BCL2L15: variants seen among roughly 807,000 people sequenced by gnomAD.
BCL2L15 encodes BCL2 like 15.
In BCL2L15, 15 loss-of-function variants were observed where a neutral mutation model predicts 18.3. That is an observed-to-expected ratio of 0.82 (90% CI 0.55 to 1.26). BCL2L15 has a LOEUF of 1.26. BCL2L15 is among the 50% of genes most tolerant of loss of function. The pLI is 0.00. For synonymous variants in BCL2L15, 58 were observed against 68.5 expected (o/e 0.85, Z 0.76); for missense variants, 180 against 201.7 (o/e 0.89, Z 0.65).
Position 113,882,001 on chromosome 1 carries a change from A to G in BCL2L15, c.250-4T>C. 1.2e-6 allele frequency: 2 copies of G among 1,609,936 alleles called. No individual in the cohort carries two copies. Among genetic ancestry groups the G allele is most frequent in the Non-Finnish European group, 1.7e-6 (2 of 1,176,668 alleles). On this transcript the variant is annotated splice_polypyrimidine_tract_variant and splice_region_variant and intron_variant, in intron 2 of 3. Transcript: ENST00000393316. Reference sequence around the variant, plus strand: ...TGTCCTGGAGTATAGCTCCTGTCTGAGGAAAGACAAAGGAAACATCAACAG... The same window carrying G: ...TGTCCTGGAGTATAGCTCCTGTCTGGGGAAAGACAAAGGAAACATCAACAG...
rs1429752291 is a variant in BCL2L15 at position 113,878,473 on chromosome 1, C to T, written c.*2650G>A. ...TAACGCATTTGCCTAGTATAATCCCCGTGGGCACCATATCTTCAAATCTCA... is the reference window on the plus strand; with the variant it reads ...TAACGCATTTGCCTAGTATAATCCCTGTGGGCACCATATCTTCAAATCTCA... On this transcript the variant is annotated 3_prime_UTR_variant, in exon 4 of 4. Transcript: ENST00000393316. The T allele has an allele frequency of 6.6e-6, 1 of 152,338 alleles. No individual in the cohort carries two copies. The highest frequency in any genetic ancestry group is 1.9e-4 in the East Asian group (1 of 5,342). 9.4% of individuals were successfully genotyped at this position (152,338 alleles called of 1,614,324 possible).
Position 113,880,956 on chromosome 1 carries a change from G to A in BCL2L15, c.*167C>T. The A allele has an allele frequency of 1.1e-6, 1 of 926,100 alleles. No individual in the cohort carries two copies. Among genetic ancestry groups the A allele is most frequent in the Non-Finnish European group, 1.6e-6 (1 of 606,170 alleles). 57.4% of individuals were successfully genotyped at this position (926,100 alleles called of 1,614,324 possible). The stretch of plus-strand genomic sequence containing the variant: ...AAACCAACTCTGCAGGCCTCTGGCA[G>A]CTGCTCCCAACTTTAACAATCAGTA... On this transcript the variant is annotated 3_prime_UTR_variant, in exon 4 of 4. Coordinates refer to ENST00000393316, the MANE Select transcript of BCL2L15 (RefSeq NM_001010922.3).
intron 2 of BCL2L15, among the ~76,000 whole-genome samples, chr1:113,885,261 A>C (rs1666990801): frequency 1.3e-5 from 2 of 151,810 alleles, no homozygotes; most frequent in South Asian, 4.2e-4. Flanking sequence ...CAGCCAAAAA[A>C]AAAAATATGT....
chr1:113,883,283 C>T (rs920606223), intron 2 of BCL2L15, among the ~76,000 whole-genome samples: 1 of 152,004 alleles, frequency 6.6e-6, no homozygotes, highest in Non-Finnish European at 1.5e-5. Context: ...GAGTTCAAGA[C>T]CAGTCTGGCC....
chr1:113,887,550 G>A lies in BCL2L15; in HGVS notation c.-175C>T. ...TCAAACACAGCTGCTCAGAAAGGTGGGACTTCTCAGAAGGATTACCTACTT... is the reference window on the plus strand; with the variant it reads ...TCAAACACAGCTGCTCAGAAAGGTGAGACTTCTCAGAAGGATTACCTACTT... On this transcript the variant is annotated 5_prime_UTR_variant, in exon 1 of 4. Coordinates refer to ENST00000393316, the MANE Select transcript of BCL2L15 (RefSeq NM_001010922.3). The A allele has an allele frequency of 1.3e-6, 1 of 776,242 alleles. No homozygotes were observed. The highest frequency in any genetic ancestry group is 2.0e-6 in the Non-Finnish European group (1 of 495,656). 48.1% of individuals were successfully genotyped at this position (776,242 alleles called of 1,614,324 possible). A position where few individuals can be genotyped will look rare whatever the true frequency, so the allele number is the denominator to read the frequency against.
chr1:113,879,878 C>T lies in BCL2L15; in HGVS notation c.*1245G>A, dbSNP rs1276228683. 7 of 152,156 alleles carry T rather than the reference C, an allele frequency of 4.6e-5. No homozygotes were observed. The highest frequency in any genetic ancestry group is 2.6e-4 in the Admixed American group (4 of 15,268). The allele number at this position is 152,156 out of a possible 1,614,324, so 9.4% of individuals were successfully genotyped here. A position where few individuals can be genotyped will look rare whatever the true frequency, so the allele number is the denominator to read the frequency against. On this transcript the variant is annotated 3_prime_UTR_variant, in exon 4 of 4. Transcript: ENST00000393316. ...AAATAAGACAGCAAGCCAGATTTGA[C>T]GCGTGGGTTGTAATTTATCAATCTA...
chr1:113,881,035 TTTA>T lies in BCL2L15; in HGVS notation c.*85_*87del. ...TCTGATAAAATGAAAAAAGTGCTTT[TTTA>T]TTTGTTTGTTTGAATTCCCAGGAAT... On this transcript the variant is annotated 3_prime_UTR_variant, in exon 4 of 4. Transcript: ENST00000393316. 1.3e-6 allele frequency: 2 copies of T among 1,596,598 alleles called. No homozygotes were observed. The highest frequency in any genetic ancestry group is 8.6e-7 in the Non-Finnish European group (1 of 1,166,330).
Position 113,882,024 on chromosome 1 carries a change from C to CA in BCL2L15, c.250-28dup, listed in dbSNP as rs777014654. On this transcript the variant is annotated intron_variant, in intron 2 of 3. Coordinates refer to ENST00000393316, the MANE Select transcript of BCL2L15 (RefSeq NM_001010922.3). ...TGAGGAAAGACAAAGGAAACATCAA[C>CA]AGAGTATCACTCAAAAAGTGCAGGA... The CA allele has an allele frequency of 3.1e-6, 5 of 1,591,474 alleles. No individual in the cohort carries two copies. In the African/African-American group the frequency reaches 6.7e-5, roughly 21 times the overall value.
chr1:113,881,940 C>T lies in BCL2L15; in HGVS notation c.307G>A (p.Asp103Asn), dbSNP rs116085462. 118 of 1,614,108 alleles carry T rather than the reference C, an allele frequency of 7.3e-5. No homozygotes were observed. The highest frequency in any genetic ancestry group is 1.6e-4 in the Middle Eastern group (1 of 6,062). The part of the protein sequence containing the change: ...ESLSKTWCAQ[D>N]SSLAYERAFL... ...GCTCTCTCATAAGCTAAGCTGGAATCCTGAGCACACCAGGTCTTGCTGAGA... is the reference window on the plus strand; with the variant it reads ...GCTCTCTCATAAGCTAAGCTGGAATTCTGAGCACACCAGGTCTTGCTGAGA... The change falls in exon 3 of 4, where the codon GAT becomes AAT. Residue 103 changes from aspartate (D) to asparagine (N), a missense_variant. Asp to Asn is a conservative substitution (Grantham distance 23, BLOSUM62 1). Coordinates refer to ENST00000393316, the MANE Select transcript of BCL2L15 (RefSeq NM_001010922.3).
Position 113,886,592 on chromosome 1 carries a change from T to C in BCL2L15, c.194A>G (p.Asn65Ser), listed in dbSNP as rs1328657321. The change falls in exon 2 of 4, where the codon AAC becomes AGC. Residue 65 changes from asparagine to serine, a missense_variant. By Grantham distance (46) the Asn-to-Ser change is conservative. Coordinates refer to ENST00000393316, the MANE Select transcript of BCL2L15 (RefSeq NM_001010922.3). ...GRLRMLGDQF[N>S]GELEASAKNV... ...TTTGGCAGAAGCTTCCAATTCTCCG[T>C]TGAACTGGTCACCCAACATCCGAAG... is the stretch of plus-strand genomic sequence containing the variant. 14 of 1,614,050 alleles carry C rather than the reference T, an allele frequency of 8.7e-6. No homozygotes were observed. The highest frequency in any genetic ancestry group is 1.0e-5 in the Non-Finnish European group (12 of 1,179,972).
At chr1:113,886,413 G>T in intron 2 of BCL2L15, 124 bp downstream of exon 2, 4 of 1,140,118 alleles carry the variant, frequency 3.5e-6, no homozygotes, top group East Asian at 2.6e-5. Flanking sequence ...ATACTTCCTT[G>T]AAATATAAGC....
At chr1:113,881,706 G>A in intron 3 of BCL2L15, 67 bp downstream of exon 3, 1 of 1,503,470 alleles carries the variant, frequency 6.7e-7, no homozygotes, top group Non-Finnish European at 8.9e-7. Context: ...TCATGAATTG[G>A]AATCCCAGGT....
Position 113,881,020 on chromosome 1 carries a change from T to C in BCL2L15, c.*103A>G, listed in dbSNP as rs1349767101. The C allele has an allele frequency of 3.2e-6, 5 of 1,540,482 alleles. No homozygotes were observed. Among genetic ancestry groups the C allele is most frequent in the Non-Finnish European group, 4.5e-6 (5 of 1,116,916 alleles). Reference sequence around the variant, plus strand: ...TCAGCTAAGTTCAGTTCTGATAAAATGAAAAAAGTGCTTTTTTATTTGTTT... The same window carrying C: ...TCAGCTAAGTTCAGTTCTGATAAAACGAAAAAAGTGCTTTTTTATTTGTTT... On this transcript the variant is annotated 3_prime_UTR_variant, in exon 4 of 4. Transcript: ENST00000393316.
At position 113,881,889 on chromosome 1, in the gene BCL2L15, G is replaced by T; in HGVS notation, c.358C>A (p.Leu120Ile). The change falls in exon 3 of 4, where the codon CTT (leucine) becomes ATT (isoleucine). Residue 120 changes from leucine to isoleucine, a missense_variant. Transcript: ENST00000393316. Reference protein sequence around the residue: ...RAFLAVSVKLLEYMAHIAPEV... With the variant: ...RAFLAVSVKLIEYMAHIAPEV... ...GGAGCAATGTGAGCCATGTACTCAA[G>T]AAGTTTCACTGACACTGCCAGAAAA... is the stretch of plus-strand genomic sequence containing the variant. The T allele has an allele frequency of 6.2e-7, 1 of 1,614,214 alleles. No homozygotes were observed.
Position 113,887,277 on chromosome 1 carries a change from G to A in BCL2L15, c.99C>T (p.Asn33=), listed in dbSNP as rs1447876418. The A allele has an allele frequency of 1.2e-6, 2 of 1,613,992 alleles. No homozygotes were observed. Among genetic ancestry groups the A allele is most frequent in the Admixed American group, 3.3e-5 (2 of 59,988 alleles). ...AATCTACTTCATCTACACAGCATAG[G>A]TTCCGGCTGGCAACCTGCAATGTTG... ...LSPTLQVASR[N]LCCVDEVDSG... is the part of the protein sequence containing the mutation. The change falls in exon 1 of 4, where the codon AAC becomes AAT. Residue 33 remains asparagine (N), a synonymous_variant. Transcript: ENST00000393316.
intron 2 of BCL2L15, among the ~76,000 whole-genome samples, chr1:113,885,327 A>G (rs746903853): frequency 6.6e-6 from 1 of 152,210 alleles, no homozygotes; most frequent in Non-Finnish European, 1.5e-5. Flanking sequence ...CCTCAGGGCA[A>G]GCAACTGGGA....
chr1:113,887,187 T>C (rs1667062591), intron 1 of BCL2L15, 62 bp downstream of exon 1: 20 of 1,515,902 alleles, frequency 1.3e-5, no homozygotes, highest in Non-Finnish European at 1.8e-5. Context: ...AATCAGTCAC[T>C]GCGCCCGGCT....
intron 2 of BCL2L15, among the ~76,000 whole-genome samples, chr1:113,882,875 G>A (rs1666920913): frequency 1.3e-5 from 2 of 152,146 alleles, no homozygotes; most frequent in Admixed American, 6.5e-5. Flanking sequence ...ATGAGATTGA[G>A]GCTAGAGTGA....
rs964982129 is a variant in BCL2L15, at chr1:113,877,425, A to G, written c.*3698T>C. 6.6e-6 allele frequency among the ~76,000 whole-genome samples: 1 copy of G among 152,016 alleles called. No individual in the cohort carries two copies. The highest frequency in any genetic ancestry group is 2.4e-5 in the African/African-American group (1 of 41,382). ...CAGTTTGATAAGTTGGTGTGAAATC[A>G]TCACCCATAAAATCACTACAATCAA... On this transcript the variant is annotated 3_prime_UTR_variant, in exon 4 of 4. Coordinates refer to ENST00000393316, the MANE Select transcript of BCL2L15 (RefSeq NM_001010922.3).
Sources: gnomAD v4.1 joint callset for allele counts (sites outside exome capture counted in the v4.1 genomes callset) on GRCh38, gnomAD v4.1.1 for gene constraint, MANE v1.5 for transcripts, NCBI Gene and HGNC (gene_info 2026-07-23, HGNC 2026-07-21) for gene names.